The following IQCJ variants were observed in gnomAD, a reference collection of about 807,000 sequenced individuals.
IQCJ encodes IQ domain-containing protein J.
A neutral mutation model predicts 11.0 loss-of-function variants in IQCJ; 9 were observed. The ratio of observed to expected loss-of-function variants is 0.82; its 90% CI spans 0.49 to 1.43. IQCJ has a LOEUF of 1.43. Among genes scored for constraint, IQCJ ranks in the 40% most tolerant of loss-of-function variants. The pLI is 0.00. For missense variants in IQCJ, 146 were observed against 133.2 expected (o/e 1.10, Z -0.47); for synonymous variants, 55 against 51.3 (o/e 1.07, Z -0.31).
Position 159,146,649 on chromosome 3 carries a change from AG to A in IQCJ, c.9+77211del, listed in dbSNP as rs1415095295. ...AGGAACCTTAGATTTCCCATCTGTC[AG>A]GGCAAAACAACTTATGAGCTGAAAC... On this transcript the variant is annotated intron_variant, in intron 1 of 3. Coordinates refer to ENST00000397832, the MANE Select transcript of IQCJ (RefSeq NM_001042706.3). Among the ~76,000 whole-genome samples, 3 of 152,216 alleles carry A rather than the reference AG, an allele frequency of 2.0e-5. No individual in the cohort carries two copies. In the East Asian group the frequency reaches 5.8e-4, roughly 29 times the overall value.
chr3:159,173,095 T>A (rs955483057), intron 1 of IQCJ, among the ~76,000 whole-genome samples: 1 of 152,208 alleles, frequency 6.6e-6, no homozygotes, highest in African/African-American at 2.4e-5. Flanking sequence ...CAGACCTTTT[T>A]ATTACTAGAT....
intron 1 of IQCJ, among the ~76,000 whole-genome samples, chr3:159,111,102 T>C (rs1013243618): frequency 2.0e-5 from 3 of 152,234 alleles, no homozygotes; most frequent in Non-Finnish European, 4.4e-5. Context: ...TGCTCCCACG[T>C]TTTATGTAAC....
chr3:159,249,987 A>T (rs908476066), intron 2 of IQCJ, among the ~76,000 whole-genome samples: 3 of 152,220 alleles, frequency 2.0e-5, no homozygotes, highest in Admixed American at 6.5e-5. Flanking sequence ...AAGGCCATTA[A>T]TTGGAAGGCT....
At chr3:159,150,245 A>C (rs1478611222) in intron 1 of IQCJ, among the ~76,000 whole-genome samples, 2 of 152,166 alleles carry the variant, frequency 1.3e-5, no homozygotes, top group African/African-American at 4.8e-5. Context: ...AAGGGATGGA[A>C]ACCGATAGAA....
chr3:159,192,109 C>T (rs1031659952), intron 1 of IQCJ, among the ~76,000 whole-genome samples: 1 of 152,084 alleles, frequency 6.6e-6, no homozygotes, highest in African/African-American at 2.4e-5. Context: ...ATGACTATGC[C>T]AAAAGCTTTA....
intron 1 of IQCJ, among the ~76,000 whole-genome samples, chr3:159,164,884 A>C (rs555118771): frequency 6.6e-6 from 1 of 152,318 alleles, no homozygotes; most frequent in East Asian, 1.9e-4. Flanking sequence ...TACCATGATT[A>C]AGCATTTTCT....
At chr3:159,191,123 G>A (rs535702162) in intron 1 of IQCJ, among the ~76,000 whole-genome samples, 255 of 152,250 alleles carry the variant, frequency 1.7e-3, no homozygotes, top group Non-Finnish European at 2.9e-3. Context: ...CTTTACATAG[G>A]CCTGAAAATA....
At chr3:159,111,948 G>A (rs1376690837) in intron 1 of IQCJ, among the ~76,000 whole-genome samples, 2 of 151,022 alleles carry the variant, frequency 1.3e-5, no homozygotes, top group Non-Finnish European at 3.0e-5. Flanking sequence ...TGTGTCTTGG[G>A]TTTTTTTTTC....
At chr3:159,109,830 G>A (rs1020781834) in intron 1 of IQCJ, among the ~76,000 whole-genome samples, 1 of 152,106 alleles carries the variant, frequency 6.6e-6, no homozygotes, top group Non-Finnish European at 1.5e-5. Flanking sequence ...TATTTAAAAC[G>A]ATAAATAAAC....
intron 1 of IQCJ, among the ~76,000 whole-genome samples, chr3:159,144,495 A>G (rs1001990392): frequency 2.0e-5 from 3 of 152,172 alleles, no homozygotes; most frequent in African/African-American, 4.8e-5. Context: ...TCTAAGGTGA[A>G]CAGATAGATG....
At chr3:159,220,738 T>G (rs1725488210) in intron 1 of IQCJ, among the ~76,000 whole-genome samples, 1 of 152,118 alleles carries the variant, frequency 6.6e-6, no homozygotes, top group South Asian at 2.1e-4. Context: ...AACAAGAACA[T>G]GAGCAAACAT....
chr3:159,126,952 G>C (rs75711391), intron 1 of IQCJ, among the ~76,000 whole-genome samples: 1,853 of 152,294 alleles, frequency 0.012, 31 homozygotes, highest in African/African-American at 0.042. Flanking sequence ...TCAGCCGGTG[G>C]TTGACATCCC....
chr3:159,161,160 T>A (rs558644443), intron 1 of IQCJ, among the ~76,000 whole-genome samples: 187 of 152,222 alleles, frequency 1.2e-3, no homozygotes, highest in African/African-American at 4.4e-3. Context: ...AGTGTAAAAG[T>A]GTTCCTATTT....
chr3:159,238,740 A>G (rs1158324199), intron 1 of IQCJ, among the ~76,000 whole-genome samples: 1 of 152,204 alleles, frequency 6.6e-6, no homozygotes, highest in African/African-American at 2.4e-5. Context: ...AATGGTGTGG[A>G]TCAGTAGAAG....
chr3:159,222,223 T>C (rs1725592867), intron 1 of IQCJ, among the ~76,000 whole-genome samples: 1 of 152,144 alleles, frequency 6.6e-6, no homozygotes, highest in Non-Finnish European at 1.5e-5. Flanking sequence ...TTATTCACAG[T>C]AGCCAAGATA....
intron 1 of IQCJ, among the ~76,000 whole-genome samples, chr3:159,209,995 A>C (rs1281658127): frequency 6.6e-6 from 1 of 152,214 alleles, no homozygotes; most frequent in Non-Finnish European, 1.5e-5. Flanking sequence ...GCTAACTGTG[A>C]GGACAGACAC....
intron 1 of IQCJ, among the ~76,000 whole-genome samples, chr3:159,115,762 T>C (rs1029604441): frequency 4.6e-5 from 7 of 151,902 alleles, no homozygotes; most frequent in African/African-American, 1.7e-4. Flanking sequence ...TCTAAAAAAA[T>C]GTTTTTTTTA....
At chr3:159,253,867 G>C (rs1363424804) in intron 3 of IQCJ, among the ~76,000 whole-genome samples, 1 of 152,152 alleles carries the variant, frequency 6.6e-6, no homozygotes, top group Non-Finnish European at 1.5e-5. Context: ...ATAATATCCT[G>C]CTGGATAAGA....
intron 2 of IQCJ, among the ~76,000 whole-genome samples, chr3:159,247,386 C>A (rs373135181): frequency 2.0e-5 from 3 of 152,108 alleles, no homozygotes; most frequent in Admixed American, 6.6e-5. Flanking sequence ...TGAGCCACCG[C>A]GCCGGTCTAT....
Sources: allele counts gnomAD v4.1 joint callset (sites outside exome capture counted in the v4.1 genomes callset), GRCh38; gene constraint gnomAD v4.1.1; transcripts MANE v1.5; gene names NCBI Gene and HGNC (gene_info 2026-07-23, HGNC 2026-07-21).